The following MAP3K19 variants were observed in gnomAD, a reference collection of about 807,000 sequenced individuals.
MAP3K19 encodes the protein SPS1/STE20-related protein kinase YSK4.
A neutral mutation model predicts 114.4 loss-of-function variants in MAP3K19; 91 were observed. That is an observed-to-expected ratio of 0.80 (90% CI 0.67 to 0.95). The LOEUF (loss-of-function observed/expected upper bound fraction) is 0.95, where lower values mean the gene tolerates loss of function less well. Among genes scored for constraint, MAP3K19 ranks in the 40% least tolerant of loss-of-function variants. The pLI is 0.00. For synonymous variants in MAP3K19, 518 were observed against 530.5 expected (o/e 0.98, Z 0.32); for missense variants, 1,471 against 1,573.2 (o/e 0.94, Z 1.10).
In MAP3K19 at chr2:134,985,807, T is replaced by G. The variant is rs1685049708; in HGVS notation, c.3065A>C (p.Lys1022Thr). 1.2e-6 allele frequency: 2 copies of G among 1,600,574 alleles called. No individual in the cohort carries two copies. The highest frequency in any genetic ancestry group is 1.7e-6 in the Non-Finnish European group (2 of 1,174,378). Residue 1022 changes from lysine (K) to threonine (T), a missense_variant, in exon 10 of 13, where the codon AAA becomes ACA. Physicochemically the swap from Lys to Thr is moderately conservative, Grantham distance 78. Transcript: ENST00000392915. ...GATTCTAATTATACCAACCTGTATT[T>G]TGACTTTTGTTGTCTCTCTGCCCAT... The part of the protein sequence containing the change: ...KEMGRETTKV[K>T]IQRHSSGLRI...
rs1686246522 is a variant in MAP3K19 at position 134,999,131 on chromosome 2, G to A, written c.315-134C>T. The A allele has an allele frequency of 9.6e-7, 1 of 1,037,442 alleles. No individual in the cohort carries two copies. The highest frequency in any genetic ancestry group is 1.4e-6 in the Non-Finnish European group (1 of 713,662). 64.3% of individuals were successfully genotyped at this position (1,037,442 alleles called of 1,614,324 possible). A position where few individuals can be genotyped will look rare whatever the true frequency, so the allele number is the denominator to read the frequency against. ...AATGGTGCTGCTGAAAGGAAAGGCT[G>A]AATCCTGAGAGGGTAAGACATCTCC... On this transcript the variant is annotated intron_variant, in intron 7 of 12. Coordinates refer to ENST00000392915, the MANE Select transcript of MAP3K19 (RefSeq NM_025052.5). This position sits in a 1 kb window ranked among gnomAD's most constrained non-coding sequence, Gnocchi z 4.1.
chr2:134,995,417 G>A (rs368863530), intron 8 of MAP3K19, among the ~76,000 whole-genome samples: 67 of 152,126 alleles, frequency 4.4e-4, no homozygotes, highest in African/African-American at 8.2e-4. Flanking sequence ...AGGATGACAC[G>A]AAGGGAATCT....
intron 8 of MAP3K19, among the ~76,000 whole-genome samples, chr2:134,995,951 C>CT (rs113279230): frequency 0.28 from 42,191 of 149,206 alleles, 6,481 homozygotes; most frequent in Middle Eastern, 0.61. Context: ...ACTAGCTGTA[C>CT]TTTTTTTTTT....
intron 8 of MAP3K19, among the ~76,000 whole-genome samples, chr2:134,997,274 C>G (rs1195789715): frequency 6.6e-6 from 1 of 152,076 alleles, no homozygotes; most frequent in Non-Finnish European, 1.5e-5. Context: ...CTATAAAAGA[C>G]CTAGAATAGT....
intron 12 of MAP3K19, among the ~76,000 whole-genome samples, chr2:134,968,095 A>G (rs918184102): frequency 1.4e-4 from 22 of 152,254 alleles, no homozygotes; most frequent in South Asian, 6.2e-4. Flanking sequence ...CATCTGTTCA[A>G]CAAAGCACAT....
In MAP3K19 at chr2:134,981,184, T is replaced by C; in HGVS notation, c.3557A>G (p.Asp1186Gly). The part of the protein sequence containing the change: ...YLHENCVVHR[D>G]IKGNNVMLMP... ...GAGCATAACATTATTTCCTTTGATATCGCGATGTACCACACAGTTCTCATG... is the reference window on the plus strand; with the variant it reads ...GAGCATAACATTATTTCCTTTGATACCGCGATGTACCACACAGTTCTCATG... The change falls in exon 12 of 13, where the codon GAT becomes GGT. Residue 1186 changes from aspartate to glycine, a missense_variant. Transcript: ENST00000392915. 6.2e-7 allele frequency: 1 copy of C among 1,614,144 alleles called. No individual in the cohort carries two copies.
intron 12 of MAP3K19, among the ~76,000 whole-genome samples, chr2:134,965,225 C>T (rs531421186): frequency 6.6e-6 from 1 of 152,134 alleles, no homozygotes; most frequent in Non-Finnish European, 1.5e-5. Context: ...GAAAACTAGG[C>T]CCTACTTTCC....
intron 2 of MAP3K19, among the ~76,000 whole-genome samples, chr2:135,039,419 CAA>C (rs56987983): frequency 2.8e-5 from 4 of 140,580 alleles, no homozygotes; most frequent in Non-Finnish European, 3.1e-5. Flanking sequence ...CCCATGTCTC[CAA>C]AAAAAAAAAA....
chr2:134,976,012 C>G (rs1684210890), intron 12 of MAP3K19, among the ~76,000 whole-genome samples: 2 of 152,216 alleles, frequency 1.3e-5, no homozygotes, highest in Admixed American at 6.5e-5. Context: ...CCCTGGTGCG[C>G]TGCACTGTTG....
At chr2:135,015,948 T>C (rs1687560778) in intron 5 of MAP3K19, among the ~76,000 whole-genome samples, 1 of 152,076 alleles carries the variant, frequency 6.6e-6, no homozygotes, top group Admixed American at 6.6e-5. Flanking sequence ...TTCTTACATT[T>C]TCTTTCAAAA....
In MAP3K19 at chr2:135,023,531, T is replaced by C. The variant is rs79812510; in HGVS notation, c.22+1095A>G. 1,423 of 533,462 alleles carry C rather than the reference T, an allele frequency of 2.7e-3. 18 individuals are homozygous for C. Among genetic ancestry groups the C allele is most frequent in the African/African-American group, 0.024 (1,271 of 52,094 alleles). 33.0% of individuals were successfully genotyped at this position (533,462 alleles called of 1,614,324 possible). ...TTGAAAGTTCCAATGTGCTCCCATT[T>C]TGTTGGTTGTATTTCCATCTCCTGC... On this transcript the variant is annotated intron_variant, in intron 4 of 12. Coordinates refer to ENST00000392915, the MANE Select transcript of MAP3K19 (RefSeq NM_025052.5).
intron 3 of MAP3K19, among the ~76,000 whole-genome samples, chr2:135,025,765 C>T (rs1376492953): frequency 6.6e-6 from 1 of 152,080 alleles, no homozygotes; most frequent in Non-Finnish European, 1.5e-5. Context: ...CCATTTACAA[C>T]AGAACAAGTC....
intron 12 of MAP3K19, among the ~76,000 whole-genome samples, chr2:134,980,400 C>T (rs374138907): frequency 6.7e-6 from 1 of 149,550 alleles, no homozygotes; most frequent in Non-Finnish European, 1.5e-5. Flanking sequence ...TCACCAAATA[C>T]TCCCCCACTT....
chr2:135,043,150 A>G (rs1235280150), intron 1 of MAP3K19, among the ~76,000 whole-genome samples: 1 of 152,172 alleles, frequency 6.6e-6, no homozygotes, highest in Non-Finnish European at 1.5e-5. Context: ...TTGACCATAG[A>G]CAATGAAAAG....
intron 5 of MAP3K19, among the ~76,000 whole-genome samples, chr2:135,017,450 T>C (rs2105354924): frequency 6.6e-6 from 1 of 152,312 alleles, no homozygotes. Context: ...GATTCCCATC[T>C]TTCACTTTGT....
intron 12 of MAP3K19, among the ~76,000 whole-genome samples, chr2:134,974,260 C>T (rs943869248): frequency 1.3e-5 from 2 of 152,192 alleles, no homozygotes; most frequent in Non-Finnish European, 2.9e-5. Context: ...TTCAGCCTTC[C>T]AAAGTGCTGG....
At chr2:135,022,625 G>C (rs1009273585) in intron 4 of MAP3K19, among the ~76,000 whole-genome samples, 3 of 152,092 alleles carry the variant, frequency 2.0e-5, no homozygotes, top group African/African-American at 7.2e-5. Context: ...GCACAATTTG[G>C]CTAACAACTG....
chr2:135,034,691 C>T (rs914974429), intron 2 of MAP3K19, among the ~76,000 whole-genome samples: 5 of 142,440 alleles, frequency 3.5e-5, no homozygotes, highest in Non-Finnish European at 7.6e-5. Flanking sequence ...TACAGGCACT[C>T]GGCAGGCTGA....
intron 5 of MAP3K19, among the ~76,000 whole-genome samples, chr2:135,019,618 C>T (rs1687831986): frequency 6.6e-6 from 1 of 152,074 alleles, no homozygotes. Context: ...TGCCAGGGCA[C>T]TTCGGCCTGG....
Sources: allele counts gnomAD v4.1 joint callset (sites outside exome capture counted in the v4.1 genomes callset), GRCh38; gene constraint gnomAD v4.1.1; non-coding constraint Gnocchi (gnomAD v3.1); transcripts MANE v1.5; gene names NCBI Gene and HGNC (gene_info 2026-07-23, HGNC 2026-07-21).